PCDHA11: variants seen among roughly 807,000 people sequenced by gnomAD.
The protein encoded by PCDHA11 is protocadherin alpha 11, also known as protocadherin alpha-11.
Under a neutral mutation model 70.3 loss-of-function variants are expected in PCDHA11, and 61 were observed. That is an observed-to-expected ratio of 0.87 (90% CI 0.71 to 1.07). The LOEUF (loss-of-function observed/expected upper bound fraction) is 1.07. Among genes scored for constraint, PCDHA11 ranks in the 50% least tolerant of loss-of-function variants. PCDHA11 has a pLI of 0.00. For missense variants in PCDHA11, 1,324 were observed against 1,237.5 expected, an observed-to-expected ratio of 1.07 and a Z score of -1.05; for synonymous variants, 633 against 555.1, an observed-to-expected ratio of 1.14 and a Z score of -1.97.
At chr5:140,908,226 T>A (rs1488573035) in intron 1 of PCDHA11, among the ~76,000 whole-genome samples, 1 of 152,140 alleles carries the variant, frequency 6.6e-6, no homozygotes, top group Non-Finnish European at 1.5e-5. Flanking sequence ...GAACCAGTCC[T>A]TAGTCTTCTC....
chr5:140,886,603 G>A lies in PCDHA11; in HGVS notation c.2391+15109G>A, dbSNP rs781862855. Among the ~76,000 whole-genome samples, 8 of 152,090 alleles carry A rather than the reference G, an allele frequency of 5.3e-5. No individual in the cohort carries two copies. The East Asian group carries it at 1.2e-3, about 22-fold the overall frequency. ...AGCACTTTGGGAGGCCAAGGTGGGCGGATCAGGAGATCAGGAGTCCGAGAC... is the reference window on the plus strand; with the variant it reads ...AGCACTTTGGGAGGCCAAGGTGGGCAGATCAGGAGATCAGGAGTCCGAGAC... On this transcript the variant is annotated intron_variant, in intron 1 of 3. Coordinates refer to ENST00000398640, the MANE Select transcript of PCDHA11 (RefSeq NM_018902.5).
chr5:140,947,760 A>G (rs1332466215), intron 1 of PCDHA11, among the ~76,000 whole-genome samples: 1 of 151,618 alleles, frequency 6.6e-6, no homozygotes, highest in Admixed American at 6.6e-5. Context: ...TTATGGTTTA[A>G]AAAATTCTAT....
chr5:140,998,664 A>C (rs1204598567), intron 3 of PCDHA11, among the ~76,000 whole-genome samples: 1 of 151,936 alleles, frequency 6.6e-6, no homozygotes, highest in Non-Finnish European at 1.5e-5. Flanking sequence ...TCCTGGGTTC[A>C]AGTGATTCTC....
Position 141,011,543 on chromosome 5 carries a change from G to T in PCDHA11, c.*1606G>T, listed in dbSNP as rs1478395558. The stretch of plus-strand genomic sequence containing the variant: ...TTTTAACCATTGTTAATCAGCTTTT[G>T]TGTATGAAAGACACAGTAAAATTTC... On this transcript the variant is annotated 3_prime_UTR_variant, in exon 4 of 4. Coordinates refer to ENST00000398640, the MANE Select transcript of PCDHA11 (RefSeq NM_018902.5). 1.3e-5 allele frequency: 2 copies of T among 153,468 alleles called. No individual in the cohort carries two copies. Among genetic ancestry groups the T allele is most frequent in the African/African-American group, 4.8e-5 (2 of 41,376 alleles). The allele number at this position is 153,468 out of a possible 1,614,324, so 9.5% of individuals were successfully genotyped here. A position where few individuals can be genotyped will look rare whatever the true frequency, so the allele number is the denominator to read the frequency against.
intron 1 of PCDHA11, among the ~76,000 whole-genome samples, chr5:140,949,115 T>G (rs2094346093): frequency 6.6e-6 from 1 of 151,756 alleles, no homozygotes; most frequent in African/African-American, 2.4e-5. Context: ...TACAAATATT[T>G]TTGGTTTTCC....
intron 1 of PCDHA11, chr5:140,968,408 A>G: frequency 6.2e-7 from 1 of 1,613,980 alleles, no homozygotes; most frequent in Non-Finnish European, 8.5e-7. Flanking sequence ...GTTCTTTGTG[A>G]CTGTGGAGGC....
At position 140,876,596 on chromosome 5, in the gene PCDHA11, C is replaced by G. The variant is rs1361945795; in HGVS notation, c.2391+5102C>G. ...ACCGTCATTGCCCTGATTAGCGTGT[C>G]GGATCGTGACTCTGGAGCCAATGGA... On this transcript the variant is annotated intron_variant, in intron 1 of 3. Transcript: ENST00000398640. The G allele has an allele frequency of 3.1e-6, 5 of 1,614,040 alleles. No individual in the cohort carries two copies. In the East Asian group the frequency reaches 8.9e-5, roughly 29 times the overall value.
chr5:140,915,771 G>T (rs1351294387), intron 1 of PCDHA11, among the ~76,000 whole-genome samples: 1 of 151,922 alleles, frequency 6.6e-6, no homozygotes, highest in Non-Finnish European at 1.5e-5. Flanking sequence ...TCTTGTCCAA[G>T]GCCTGCTGTA....
intron 3 of PCDHA11, among the ~76,000 whole-genome samples, chr5:140,995,400 C>T (rs2097681723): frequency 6.6e-6 from 1 of 152,062 alleles, no homozygotes; most frequent in Admixed American, 6.6e-5. Flanking sequence ...CGGGATGGCT[C>T]GAGATTTCAT....
At chr5:140,903,979 C>T (rs988987540) in intron 1 of PCDHA11, among the ~76,000 whole-genome samples, 3 of 152,150 alleles carry the variant, frequency 2.0e-5, no homozygotes, top group Admixed American at 2.0e-4. Flanking sequence ...GGTCTATTCA[C>T]AATGTAACAG....
intron 3 of PCDHA11, among the ~76,000 whole-genome samples, chr5:140,999,772 T>A (rs1186405321): frequency 6.6e-6 from 1 of 152,182 alleles, no homozygotes; most frequent in Non-Finnish European, 1.5e-5. Flanking sequence ...CTTTATACTC[T>A]TAACCTAGAA....
At chr5:140,918,982 G>C (rs1554198889) in intron 1 of PCDHA11, among the ~76,000 whole-genome samples, 1 of 152,188 alleles carries the variant, frequency 6.6e-6, no homozygotes, top group Non-Finnish European at 1.5e-5. Flanking sequence ...AGGTTAGTTG[G>C]TTTTTAGTGT....
At chr5:140,968,322 C>T (rs782755782) in intron 1 of PCDHA11, 9 of 1,614,122 alleles carry the variant, frequency 5.6e-6, no homozygotes, top group Non-Finnish European at 6.8e-6. Context: ...CTGCCAGTCA[C>T]CTCCTATGTC....
intron 3 of PCDHA11, among the ~76,000 whole-genome samples, chr5:140,999,702 T>A (rs78322991): frequency 6.6e-6 from 1 of 152,136 alleles, no homozygotes; most frequent in South Asian, 2.1e-4. Context: ...GATTTTTTTT[T>A]AGCTAACTAC....
At chr5:140,958,495 C>A (rs559117374) in intron 1 of PCDHA11, among the ~76,000 whole-genome samples, 1 of 152,020 alleles carries the variant, frequency 6.6e-6, no homozygotes, top group Non-Finnish European at 1.5e-5. Flanking sequence ...TCCACATATC[C>A]TAGGAGGCAT....
intron 1 of PCDHA11, chr5:140,882,290 G>A: frequency 6.2e-7 from 1 of 1,613,532 alleles, no homozygotes; most frequent in Non-Finnish European, 8.5e-7. Flanking sequence ...CTGGCAAGGA[G>A]GCCCAAGACC....
At chr5:140,946,705 T>A (rs246053) in intron 1 of PCDHA11, among the ~76,000 whole-genome samples, 81,982 of 146,914 alleles carry the variant, frequency 0.56, 23,474 homozygotes, top group African/African-American at 0.69. Context: ...AATCTGGAGG[T>A]CATTATGTTT....
At chr5:140,941,023 T>C (rs2153648150) in intron 1 of PCDHA11, among the ~76,000 whole-genome samples, 1 of 152,338 alleles carries the variant, frequency 6.6e-6, no homozygotes, top group African/African-American at 2.4e-5. Flanking sequence ...ATTTTCCTTC[T>C]GGCCTTTTTG....
intron 1 of PCDHA11, among the ~76,000 whole-genome samples, chr5:140,976,409 G>C (rs1208759254): frequency 6.6e-6 from 1 of 152,064 alleles, no homozygotes; most frequent in African/African-American, 2.4e-5. Flanking sequence ...AAATTAGCCA[G>C]GTACGGTGGC....
Sources: gnomAD v4.1 joint callset for allele counts (sites outside exome capture counted in the v4.1 genomes callset) on GRCh38, gnomAD v4.1.1 for gene constraint, MANE v1.5 for transcripts, NCBI Gene and HGNC (gene_info 2026-07-23, HGNC 2026-07-21) for gene names.